PTPRN2: variants seen among roughly 807,000 people sequenced by gnomAD.
PTPRN2 encodes the protein protein tyrosine phosphatase receptor type N2.
A neutral mutation model predicts 118.8 loss-of-function variants in PTPRN2; 74 were observed. The observed-to-expected ratio is 0.62, with a 90% CI of 0.52 to 0.76. PTPRN2 has a LOEUF of 0.76. PTPRN2 is among the 30% of genes least tolerant of loss of function. The pLI is 0.00. For missense variants in PTPRN2, 1,481 were observed against 1,394.4 expected (o/e 1.06, Z -0.99); for synonymous variants, 641 against 608.0 (o/e 1.05, Z -0.80).
chr7:158,283,758 C>T (rs1406423084), intron 3 of PTPRN2, among the ~76,000 whole-genome samples: 1 of 152,114 alleles, frequency 6.6e-6, no homozygotes, highest in African/African-American at 2.4e-5. Context: ...CACCACCACT[C>T]CTCAGGCCAC....
intron 1 of PTPRN2, among the ~76,000 whole-genome samples, chr7:158,585,591 C>T (rs1006528909): frequency 6.6e-6 from 1 of 152,220 alleles, no homozygotes; most frequent in African/African-American, 2.4e-5. Context: ...AACACTGCTG[C>T]ATTGGGCATT....
intron 1 of PTPRN2, among the ~76,000 whole-genome samples, chr7:158,582,571 C>T (rs929559009): frequency 1.3e-5 from 2 of 151,586 alleles, no homozygotes; most frequent in Non-Finnish European, 2.9e-5. Context: ...AAAAAAAATT[C>T]ATTTTTAATA....
At chr7:157,709,202 T>C (rs1483484447) in intron 12 of PTPRN2, among the ~76,000 whole-genome samples, 1 of 152,210 alleles carries the variant, frequency 6.6e-6, no homozygotes, top group Non-Finnish European at 1.5e-5. Flanking sequence ...AGAGCGGCCC[T>C]GCTGACTCCC....
intron 12 of PTPRN2, among the ~76,000 whole-genome samples, chr7:157,730,370 A>T (rs775047970): frequency 1.2e-4 from 18 of 152,210 alleles, no homozygotes; most frequent in Non-Finnish European, 2.2e-4. Context: ...AAAAACGAGG[A>T]TGAGGAGCCA....
intron 13 of PTPRN2, among the ~76,000 whole-genome samples, chr7:157,677,876 G>A (rs1398035767): frequency 6.6e-6 from 1 of 152,130 alleles, no homozygotes; most frequent in African/African-American, 2.4e-5. Context: ...GTTCTGTGCC[G>A]CCATGGAGTA....
Position 157,929,423 on chromosome 7 carries a change from C to T in PTPRN2, c.1724-30686G>A, listed in dbSNP as rs983135042. On this transcript the variant is annotated intron_variant, in intron 11 of 22. Transcript: ENST00000389418. The surrounding 1 kb of genome is among the most constrained non-coding windows in gnomAD (Gnocchi z 4.4). ...CGCGACTCCTGAGGGCTTCAGTCCT[C>T]GGTTTGTTCCTTTTAGGAGGAAGCC... Among the ~76,000 whole-genome samples the T allele has an allele frequency of 3.9e-5, 6 of 152,126 alleles. No individual in the cohort carries two copies. The highest frequency in any genetic ancestry group is 1.9e-4 in the East Asian group (1 of 5,174).
chr7:157,969,708 T>C (rs1802187063), intron 11 of PTPRN2, among the ~76,000 whole-genome samples: 1 of 151,798 alleles, frequency 6.6e-6, no homozygotes, highest in South Asian at 2.1e-4. Flanking sequence ...CTTGGGCACC[T>C]GGGAGTTTGG....
Position 158,429,580 on chromosome 7 carries a change from C to A in PTPRN2, c.163+60155G>T, listed in dbSNP as rs74979221. ...GGCCTGGGAGAGCCTGGCCTGGTCC[C>A]ACCTCCCTCCTGCCACCCTCCGCTC... On this transcript the variant is annotated intron_variant, in intron 2 of 22. Coordinates refer to ENST00000389418, the MANE Select transcript of PTPRN2 (RefSeq NM_002847.5). Among the ~76,000 whole-genome samples, 413 of 152,364 alleles carry A rather than the reference C, an allele frequency of 2.7e-3. 7 individuals are homozygous for A. Among genetic ancestry groups the A allele is most frequent in the Admixed American group, 0.019 (285 of 15,300 alleles).
chr7:158,248,493 A>T (rs926349379), intron 3 of PTPRN2, among the ~76,000 whole-genome samples: 20 of 143,522 alleles, frequency 1.4e-4, no homozygotes, highest in African/African-American at 5.2e-4. Context: ...TTTTCAAAAT[A>T]CTGTGTAGGA....
intron 12 of PTPRN2, among the ~76,000 whole-genome samples, chr7:157,737,232 C>T (rs1324549876): frequency 1.4e-4 from 21 of 152,258 alleles, no homozygotes; most frequent in Admixed American, 5.9e-4. Flanking sequence ...GACGGCCTGG[C>T]GAGCTCACTC....
At chr7:157,962,766 C>T (rs934653164) in intron 11 of PTPRN2, among the ~76,000 whole-genome samples, 1 of 152,148 alleles carries the variant, frequency 6.6e-6, no homozygotes, top group Non-Finnish European at 1.5e-5. Context: ...GTGAACCAGT[C>T]AGGAATAATC....
intron 3 of PTPRN2, among the ~76,000 whole-genome samples, chr7:158,312,531 C>T (rs1456801826): frequency 9.5e-6 from 1 of 105,126 alleles, no homozygotes; most frequent in Non-Finnish European, 2.3e-5. Flanking sequence ...CAGACACCTG[C>T]ACACACATGT....
At chr7:157,716,667 C>T (rs1442851494) in intron 12 of PTPRN2, among the ~76,000 whole-genome samples, 1 of 69,902 alleles carries the variant, frequency 1.4e-5, no homozygotes, top group Non-Finnish European at 2.7e-5. Flanking sequence ...TGCCTGGCCA[C>T]GTAGACTCTG....
At chr7:158,272,333 C>T (rs1419141097) in intron 3 of PTPRN2, among the ~76,000 whole-genome samples, 1 of 152,176 alleles carries the variant, frequency 6.6e-6, no homozygotes, top group African/African-American at 2.4e-5. Context: ...CTGCCCGGTA[C>T]CAACGGTCAA....
At chr7:157,913,456 G>C (rs971876883) in intron 11 of PTPRN2, among the ~76,000 whole-genome samples, 1 of 152,200 alleles carries the variant, frequency 6.6e-6, no homozygotes, top group Non-Finnish European at 1.5e-5. Flanking sequence ...GTAAGGGTGA[G>C]AGCCCACATC....
intron 3 of PTPRN2, among the ~76,000 whole-genome samples, chr7:158,213,576 T>C (rs1330142368): frequency 6.6e-6 from 1 of 152,120 alleles, no homozygotes; most frequent in East Asian, 1.9e-4. Flanking sequence ...TACTATCCAA[T>C]TTAAGATTAA....
At chr7:158,114,281 G>T (rs185831359) in intron 9 of PTPRN2, among the ~76,000 whole-genome samples, 24 of 152,150 alleles carry the variant, frequency 1.6e-4, no homozygotes, top group Non-Finnish European at 2.6e-4. Flanking sequence ...ACCCTCCAGC[G>T]TTTCGGAGTC....
intron 11 of PTPRN2, among the ~76,000 whole-genome samples, chr7:157,937,987 C>G (rs1371744202): frequency 6.6e-6 from 1 of 152,182 alleles, no homozygotes; most frequent in African/African-American, 2.4e-5. Context: ...AAATTAGAAG[C>G]AATGTGGCAT....
intron 11 of PTPRN2, among the ~76,000 whole-genome samples, chr7:158,065,525 A>G (rs1810702607): frequency 6.6e-6 from 1 of 152,234 alleles, no homozygotes; most frequent in South Asian, 2.1e-4. Flanking sequence ...GCCCTGGGCT[A>G]ACGGGCTGCG....
Sources: gnomAD v4.1 joint callset for allele counts (sites outside exome capture counted in the v4.1 genomes callset) on GRCh38, gnomAD v4.1.1 for gene constraint, Gnocchi (gnomAD v3.1) non-coding constraint, MANE v1.5 for transcripts, NCBI Gene and HGNC (gene_info 2026-07-23, HGNC 2026-07-21) for gene names.